Variants in PLS3 observed in about 807,000 individuals in gnomAD.
PLS3 encodes the protein plastin 3.
A neutral mutation model predicts 46.5 loss-of-function variants in PLS3; 11 were observed. That is an observed-to-expected ratio of 0.24 (90% CI 0.15 to 0.39). The LOEUF (loss-of-function observed/expected upper bound fraction) is 0.39, where lower values mean the gene tolerates loss of function less well. Ranked by LOEUF, PLS3 falls within the 10% of genes least tolerant of loss-of-function variation. The pLI is 1.00. For synonymous variants in PLS3, 167 were observed against 162.2 expected (o/e 1.03, Z -0.22); for missense variants, 308 against 461.8 (o/e 0.67, Z 3.05).
rs1312081049 is a variant in PLS3 at position 115,570,898 on chromosome X, T to C, written c.-9+9638T>C. Among the ~76,000 whole-genome samples the C allele has an allele frequency of 3.0e-5, 3 of 101,140 alleles. No homozygotes were observed. In the East Asian group the frequency reaches 9.1e-4, roughly 31 times the overall value. The allele number at this position is 101,140 out of a possible 115,157, so 87.8% of individuals were successfully genotyped here. On this transcript the variant is annotated intron_variant, in intron 1 of 15. Coordinates refer to ENST00000355899, the MANE Select transcript of PLS3 (RefSeq NM_005032.7). ...CTGTTTATCGTTTAATTTATTCTTT[T>C]TTTTTTTTTTTTTTTGAAACGGAGT...
At chrX:115,646,569 C>G in intron 13 of PLS3, 34 bp downstream of exon 13, 3 of 1,163,452 alleles carry the variant, frequency 2.6e-6, no homozygotes, top group Non-Finnish European at 3.5e-6. Flanking sequence ...TTAGTCTTTA[C>G]TATCATACAG....
chrX:115,579,397 C>T (rs782289137), intron 1 of PLS3, among the ~76,000 whole-genome samples: 8 of 111,921 alleles, frequency 7.1e-5, no homozygotes, highest in Non-Finnish European at 1.5e-4. Context: ...CTTCAGTTTT[C>T]GTTTCTCTGG....
rs77541286 is a variant in PLS3 at position 115,599,389 on chromosome X, T to C, written c.-8-10854T>C. ...ATTAAAAATTAGCCGAGTATGGTGG[T>C]GCATGCTTGTAGTCCTAGCTACTGG... is the stretch of plus-strand genomic sequence containing the variant. On this transcript the variant is annotated intron_variant, in intron 1 of 15. Transcript: ENST00000355899. 6.0e-3 allele frequency among the ~76,000 whole-genome samples: 607 copies of C among 101,326 alleles called. 5 individuals carry two copies. The highest frequency in any genetic ancestry group is 0.021 in the African/African-American group (581 of 27,655). The allele number at this position is 101,326 out of a possible 115,157, so 88.0% of individuals were successfully genotyped here. A position where few individuals can be genotyped will look rare whatever the true frequency, so the allele number is the denominator to read the frequency against.
At chrX:115,632,737 G>A (rs1362746263) in intron 5 of PLS3, among the ~76,000 whole-genome samples, 7 of 108,861 alleles carry the variant, frequency 6.4e-5, no homozygotes, top group African/African-American at 2.4e-4. Flanking sequence ...ATTCAATAAA[G>A]TTCCACCCCC....
At chrX:115,614,318 G>T in intron 2 of PLS3, 1 of 752,259 alleles carries the variant, frequency 1.3e-6, no homozygotes, top group Non-Finnish European at 1.6e-6. Flanking sequence ...AAAAATGATG[G>T]CCAAACTGCT....
At chrX:115,565,603 T>A (rs1431542956) in intron 1 of PLS3, among the ~76,000 whole-genome samples, 1 of 112,034 alleles carries the variant, frequency 8.9e-6, no homozygotes, top group South Asian at 3.7e-4. Flanking sequence ...CTTTTTGGTT[T>A]GCTGGGTTTT....
rs181371098 is a variant in PLS3, at chrX:115,600,805, G to A, written c.-8-9438G>A. 2.7e-5 allele frequency among the ~76,000 whole-genome samples: 3 copies of A among 111,453 alleles called. No individual in the cohort carries two copies. In the Admixed American group the frequency reaches 2.9e-4, roughly 11 times the overall value. ...GAGTTGAAGAGAAAGATCAGTGGGAGGTGGAGTCATTGGGAAACGTGCTTT... is the reference window on the plus strand; with the variant it reads ...GAGTTGAAGAGAAAGATCAGTGGGAAGTGGAGTCATTGGGAAACGTGCTTT... On this transcript the variant is annotated intron_variant, in intron 1 of 15. Coordinates refer to ENST00000355899, the MANE Select transcript of PLS3 (RefSeq NM_005032.7).
At chrX:115,609,416 A>AT (rs1387464330) in intron 1 of PLS3, among the ~76,000 whole-genome samples, 1 of 112,173 alleles carries the variant, frequency 8.9e-6, no homozygotes, top group Non-Finnish European at 1.9e-5. Context: ...ATTGAGTACA[A>AT]TTTTTTGGTA....
intron 10 of PLS3, 78 bp from the exon 11 acceptor site, chrX:115,644,943 C>T (rs1569529214): frequency 1.6e-6 from 1 of 610,226 alleles, no homozygotes; most frequent in East Asian, 3.3e-5. Context: ...ATAAAATAAT[C>T]TAATATGTGT....
At chrX:115,603,042 C>T (rs1338511562) in intron 1 of PLS3, among the ~76,000 whole-genome samples, 3 of 110,780 alleles carry the variant, frequency 2.7e-5, no homozygotes, top group African/African-American at 9.9e-5. Flanking sequence ...TAGGCACCCC[C>T]GTCCCCCTTC....
chrX:115,616,637 A>C (rs2074601331), intron 2 of PLS3, among the ~76,000 whole-genome samples: 1 of 111,740 alleles, frequency 8.9e-6, no homozygotes, highest in East Asian at 2.8e-4. Flanking sequence ...GATATTGTTT[A>C]AGGATGTGTT....
At chrX:115,635,933 C>T (rs960612876) in intron 7 of PLS3, among the ~76,000 whole-genome samples, 31 of 107,383 alleles carry the variant, frequency 2.9e-4, no homozygotes, top group African/African-American at 9.8e-4. Flanking sequence ...GAGGTTGCAG[C>T]GAGCCGAGAT....
intron 1 of PLS3, among the ~76,000 whole-genome samples, chrX:115,570,775 G>A (rs1156634611): frequency 1.8e-5 from 2 of 109,708 alleles, no homozygotes; most frequent in Non-Finnish European, 3.8e-5. Context: ...TTATTTAATG[G>A]TATTGGAAAA....
chrX:115,640,616 A>G (rs2074885103), intron 9 of PLS3, 113 bp downstream of exon 9: 1 of 452,506 alleles, frequency 2.2e-6, no homozygotes, highest in Non-Finnish European at 3.9e-6. Flanking sequence ...TTTAAGCATT[A>G]TTTTAAAATG....
chrX:115,612,596 G>A (rs782685253), intron 2 of PLS3, among the ~76,000 whole-genome samples: 1 of 111,168 alleles, frequency 9.0e-6, no homozygotes, highest in South Asian at 3.8e-4. Flanking sequence ...GACAAAATAT[G>A]GAAATCATTA....
rs183750417 is a variant in PLS3, at chrX:115,628,608, A to G, written c.238-590A>G. ...AATTAGAATGTTCCTTACTGTGAAG[A>G]GAAGCTGGACTTCATAAATGCCCCA... On this transcript the variant is annotated intron_variant, in intron 3 of 15. Coordinates refer to ENST00000355899, the MANE Select transcript of PLS3 (RefSeq NM_005032.7). Among the ~76,000 whole-genome samples, 522 of 111,922 alleles carry G rather than the reference A, an allele frequency of 4.7e-3. 7 individuals carry two copies. Among genetic ancestry groups the G allele is most frequent in the African/African-American group, 0.017 (511 of 30,869 alleles).
chrX:115,630,041 A>C (rs781934319), intron 5 of PLS3, 74 bp downstream of exon 5: 4 of 743,658 alleles, frequency 5.4e-6, no homozygotes, highest in Non-Finnish European at 7.7e-6. Context: ...TTGTTTCTGC[A>C]TGCTTGACAG....
intron 1 of PLS3, among the ~76,000 whole-genome samples, chrX:115,566,556 T>C (rs1198714905): frequency 9.0e-6 from 1 of 110,695 alleles, no homozygotes; most frequent in Non-Finnish European, 1.9e-5. Context: ...GCCCAGCTAG[T>C]TTTTTTGTAT....
chrX:115,567,056 T>C (rs1459099453), intron 1 of PLS3, among the ~76,000 whole-genome samples: 1 of 112,153 alleles, frequency 8.9e-6, no homozygotes, highest in African/African-American at 3.2e-5. Flanking sequence ...GTGGTGTTTT[T>C]CCCCTTTTTA....
Sources: gnomAD v4.1 joint callset for allele counts (sites outside exome capture counted in the v4.1 genomes callset) on GRCh38, gnomAD v4.1.1 for gene constraint, MANE v1.5 for transcripts, NCBI Gene and HGNC (gene_info 2026-07-23, HGNC 2026-07-21) for gene names.